Variants in ZCCHC17 observed in about 807,000 individuals in gnomAD.
ZCCHC17 encodes zinc finger CCHC domain-containing protein 17.
In ZCCHC17, 18 loss-of-function variants were observed where a neutral mutation model predicts 30.6. The observed-to-expected ratio is 0.59, with a 90% confidence interval of 0.41 to 0.87. ZCCHC17 has a LOEUF of 0.87. Ranked by LOEUF, ZCCHC17 falls within the 40% of genes least tolerant of loss-of-function variation. The pLI is 0.00. For missense variants in ZCCHC17, 263 were observed against 284.2 expected, an observed-to-expected ratio of 0.93 and a Z score of 0.54; for synonymous variants, 88 against 92.4, an observed-to-expected ratio of 0.95 and a Z score of 0.27.
chr1:31,317,356 T>C (rs1298505326), intron 2 of ZCCHC17, among the ~76,000 whole-genome samples: 1 of 152,172 alleles, frequency 6.6e-6, no homozygotes, highest in East Asian at 1.9e-4. Flanking sequence ...TGTGCCTTCC[T>C]ACCAGTCACT....
At chr1:31,361,058 C>G (rs16834403) in intron 7 of ZCCHC17, among the ~76,000 whole-genome samples, 14,082 of 152,176 alleles carry the variant, frequency 0.093, 2,207 homozygotes, top group African/African-American at 0.32. Context: ...GGGCAGAACC[C>G]AGTGAGGCTC....
chr1:31,329,704 T>C (rs1013854236), intron 3 of ZCCHC17, among the ~76,000 whole-genome samples: 1 of 152,158 alleles, frequency 6.6e-6, no homozygotes, highest in African/African-American at 2.4e-5. Context: ...GTACAATACT[T>C]GAGGTATAGT....
At chr1:31,317,109 C>CT (rs1477919846) in intron 2 of ZCCHC17, among the ~76,000 whole-genome samples, 1 of 149,370 alleles carries the variant, frequency 6.7e-6, no homozygotes, top group African/African-American at 2.5e-5. Context: ...CACTCAACCT[C>CT]TGCTTCCCAG....
At chr1:31,301,139 T>C (rs568744356) in intron 1 of ZCCHC17, among the ~76,000 whole-genome samples, 21 of 152,318 alleles carry the variant, frequency 1.4e-4, no homozygotes, top group Admixed American at 1.2e-3. Context: ...ATCAATAGCA[T>C]ACTGAATTGA....
chr1:31,354,398 C>G (rs1243478480), intron 7 of ZCCHC17, among the ~76,000 whole-genome samples: 1 of 151,982 alleles, frequency 6.6e-6, no homozygotes, highest in East Asian at 1.9e-4. Context: ...AATTTTCTTG[C>G]AGATTTAGTT....
chr1:31,301,824 A>G lies in ZCCHC17; in HGVS notation c.-56+4749A>G, dbSNP rs76550076. Among the ~76,000 whole-genome samples the G allele has an allele frequency of 9.4e-3, 1,419 of 151,634 alleles. 25 individuals carry two copies. The highest frequency in any genetic ancestry group is 0.03 in the African/African-American group (1,232 of 41,328). ...CTATTCCTCTTTCCTGCTTTTGGCT[A>G]TTTTCTCAACAGGTCCACGACTGGA... On this transcript the variant is annotated intron_variant, in intron 1 of 7. Coordinates refer to ENST00000344147, the MANE Select transcript of ZCCHC17 (RefSeq NM_016505.4).
chr1:31,340,564 G>T (rs954215977), intron 5 of ZCCHC17, among the ~76,000 whole-genome samples: 1 of 152,094 alleles, frequency 6.6e-6, no homozygotes, highest in Non-Finnish European at 1.5e-5. Context: ...TGATCTGCCC[G>T]TCTCGGCCTC....
At chr1:31,363,987 G>A (rs901016822) in intron 7 of ZCCHC17, 45 bp from the exon 8 acceptor site, 9 of 1,593,572 alleles carry the variant, frequency 5.6e-6, no homozygotes, top group Admixed American at 3.6e-5. Context: ...ATTGTTAAAA[G>A]CAAATATACA....
chr1:31,334,565 A>G (rs1638741755), intron 3 of ZCCHC17, among the ~76,000 whole-genome samples: 1 of 152,134 alleles, frequency 6.6e-6, no homozygotes, highest in Non-Finnish European at 1.5e-5. Flanking sequence ...AAATAAATGA[A>G]AAGGTTAACT....
At chr1:31,337,833 C>T (rs1638880757) in intron 4 of ZCCHC17, among the ~76,000 whole-genome samples, 1 of 151,944 alleles carries the variant, frequency 6.6e-6, no homozygotes, top group Admixed American at 6.6e-5. Flanking sequence ...AGAGACAGCA[C>T]AGGAGATAGG....
intron 7 of ZCCHC17, among the ~76,000 whole-genome samples, chr1:31,352,413 T>C (rs1377196314): frequency 6.6e-6 from 1 of 152,244 alleles, no homozygotes; most frequent in Non-Finnish European, 1.5e-5. Flanking sequence ...TAGCATAATG[T>C]CCTTAAAGTT....
intron 3 of ZCCHC17, among the ~76,000 whole-genome samples, chr1:31,328,064 A>G (rs1384286963): frequency 5.3e-5 from 8 of 152,218 alleles, no homozygotes; most frequent in Non-Finnish European, 4.4e-5. Context: ...CTAAGAATGA[A>G]TCTTCTGTGT....
intron 7 of ZCCHC17, among the ~76,000 whole-genome samples, chr1:31,351,682 C>T (rs1481171567): frequency 6.6e-6 from 1 of 152,086 alleles, no homozygotes; most frequent in African/African-American, 2.4e-5. Context: ...GTCAAGGCAG[C>T]AGTGAGCTGT....
At chr1:31,317,332 C>G (rs1310613634) in intron 2 of ZCCHC17, among the ~76,000 whole-genome samples, 1 of 152,132 alleles carries the variant, frequency 6.6e-6, no homozygotes, top group East Asian at 1.9e-4. Flanking sequence ...GCCTCCCTAA[C>G]TCTCAAGTAG....
intron 7 of ZCCHC17, 79 bp from the exon 8 acceptor site, chr1:31,363,953 G>A: frequency 6.5e-7 from 1 of 1,547,906 alleles, no homozygotes; most frequent in Non-Finnish European, 8.7e-7. Context: ...GTGAGCCACT[G>A]CACCTGGCCA....
chr1:31,303,866 G>A (rs919937607), intron 1 of ZCCHC17, among the ~76,000 whole-genome samples: 3 of 152,146 alleles, frequency 2.0e-5, no homozygotes, highest in Admixed American at 6.5e-5. Context: ...CCCACCTCTT[G>A]ATGCTCGAGC....
At chr1:31,360,012 A>G (rs1328761260) in intron 7 of ZCCHC17, among the ~76,000 whole-genome samples, 1 of 147,516 alleles carries the variant, frequency 6.8e-6, no homozygotes, top group Non-Finnish European at 1.5e-5. Flanking sequence ...CGGAGTTTCC[A>G]TCTTGTTGCC....
chr1:31,344,632 G>C (rs1045470432), intron 5 of ZCCHC17, among the ~76,000 whole-genome samples: 1 of 152,106 alleles, frequency 6.6e-6, no homozygotes, highest in Non-Finnish European at 1.5e-5. Flanking sequence ...GAGAGACGTG[G>C]GTGACTGACA....
intron 2 of ZCCHC17, among the ~76,000 whole-genome samples, chr1:31,313,441 A>G (rs1646654638): frequency 6.6e-6 from 1 of 152,192 alleles, no homozygotes; most frequent in Non-Finnish European, 1.5e-5. Flanking sequence ...CTTGCTTTAT[A>G]TGGTTGACAA....
Sources: gnomAD v4.1 joint callset for allele counts (sites outside exome capture counted in the v4.1 genomes callset) on GRCh38, gnomAD v4.1.1 for gene constraint, MANE v1.5 for transcripts, NCBI Gene and HGNC (gene_info 2026-07-23, HGNC 2026-07-21) for gene names.